Variants in ASPM observed in about 807,000 individuals in gnomAD.
ASPM encodes the protein abnormal spindle-like microcephaly-associated protein.
Under a neutral mutation model 366.4 loss-of-function variants are expected in ASPM, and 256 were observed. The ratio of observed to expected loss-of-function variants is 0.70; its 90% CI spans 0.63 to 0.77. The LOEUF (loss-of-function observed/expected upper bound fraction) is 0.77. ASPM is among the 30% of genes least tolerant of loss of function. The pLI is 0.00. For synonymous variants in ASPM, 1,414 were observed against 1,342.9 expected (o/e 1.05, Z -1.16); for missense variants, 4,146 against 4,090.4 (o/e 1.01, Z -0.37).
Position 197,102,392 on chromosome 1 carries a change from T to A in ASPM, c.6859A>T (p.Lys2287Ter), listed in dbSNP as rs200074982. The A allele has an allele frequency of 6.2e-7, 1 of 1,612,700 alleles. No individual in the cohort carries two copies. The highest frequency in any genetic ancestry group is 1.3e-5 in the African/African-American group (1 of 74,806). Residue 2287 changes from lysine (K) to a stop codon, truncating the protein, a stop_gained, in exon 18 of 28, where the codon AAA (lysine) becomes TAA (stop). Coordinates refer to ENST00000367409, the MANE Select transcript of ASPM (RefSeq NM_018136.5). LOFTEE classifies it high-confidence loss of function. ...MMRRRFLSLKKTAILIQRKYR... is the reference protein window; with the variant it reads ...MMRRRFLSLK ...TTTCTCTGAATCAAAATAGCAGTTT[T>A]CTTGAGAGAGAGGAATCTTCTTCTC...
At chr1:197,133,231 C>G in intron 6 of ASPM, 119 bp downstream of exon 6, 2 of 1,043,940 alleles carry the variant, frequency 1.9e-6, no homozygotes, top group Non-Finnish European at 2.7e-6. Context: ...ATGTTGTATA[C>G]CTTAAATATA....
In ASPM at chr1:197,090,258, G is replaced by A; in HGVS notation, c.9767C>T (p.Ala3256Val). The A allele has an allele frequency of 2.5e-6, 4 of 1,613,458 alleles. No homozygotes were observed. The highest frequency in any genetic ancestry group is 3.4e-6 in the Non-Finnish European group (4 of 1,179,652). Residue 3256 changes from alanine (A) to valine (V), a missense_variant, in exon 24 of 28, where the codon GCA becomes GTA. Coordinates refer to ENST00000367409, the MANE Select transcript of ASPM (RefSeq NM_018136.5). Reference sequence around the variant, plus strand: ...CTTATATGTCAAAAGGTAATGAAGTGCAAGTGCAGTTCTTTTGTAGAGTTT... The same window carrying A: ...CTTATATGTCAAAAGGTAATGAAGTACAAGTGCAGTTCTTTTGTAGAGTTT... ...ENKLYKRTAL[A>V]LHYLLTYKHL...
intron 18 of ASPM, among the ~76,000 whole-genome samples, chr1:197,097,911 T>G (rs1436915913): frequency 1.3e-5 from 2 of 151,290 alleles, no homozygotes; most frequent in Non-Finnish European, 3.0e-5. Context: ...CGAAAATCTG[T>G]CACAGAATTT....
In ASPM at chr1:197,086,878, T is replaced by C. The variant is rs1459036835; in HGVS notation, c.10256A>G (p.Tyr3419Cys). The part of the protein sequence containing the change: ...KHKMNTERIL[Y>C]KQKKNSSISI... ...TATAGAAGAATTCTTCTTTTGCTTG[T>C]AAAGTATTCTTTCAGTATTCATTTT... Residue 3419 changes from tyrosine (Y) to cysteine (C), a missense_variant, in exon 27 of 28, where the codon TAC becomes TGC. By Grantham distance (194) the Tyr-to-Cys change is radical (BLOSUM62 -2). This residue lies in a region of ASPM where 3,624 missense variants were observed against 3,591.7 expected (regional missense o/e 1.01). Coordinates refer to ENST00000367409, the MANE Select transcript of ASPM (RefSeq NM_018136.5). 6.2e-7 allele frequency: 1 copy of C among 1,611,420 alleles called. No individual in the cohort carries two copies. The highest frequency in any genetic ancestry group is 1.3e-5 in the African/African-American group (1 of 74,998).
chr1:197,115,099 A>G (rs1312211825), intron 17 of ASPM, among the ~76,000 whole-genome samples: 1 of 151,964 alleles, frequency 6.6e-6, no homozygotes, highest in African/African-American at 2.4e-5. Flanking sequence ...GCTGATCTCG[A>G]ACTCCTAGCC....
At chr1:197,124,487 G>GAT (rs1380923423) in intron 12 of ASPM, among the ~76,000 whole-genome samples, 156 bp from the exon 13 acceptor site, 1 of 151,876 alleles carries the variant, frequency 6.6e-6, no homozygotes, top group Non-Finnish European at 1.5e-5. Context: ...GCCTGAAATG[G>GAT]ATATTTTAGT....
At chr1:197,131,982 T>C (rs1313471966) in intron 7 of ASPM, among the ~76,000 whole-genome samples, 1 of 152,202 alleles carries the variant, frequency 6.6e-6, no homozygotes, top group East Asian at 1.9e-4. Flanking sequence ...CGTTTTGGCA[T>C]TTGTAAATTT....
At chr1:197,141,912 A>C (rs541318353) in intron 3 of ASPM, among the ~76,000 whole-genome samples, 3 of 152,264 alleles carry the variant, frequency 2.0e-5, no homozygotes, top group African/African-American at 7.2e-5. Flanking sequence ...AGGCTCATAA[A>C]TCAGATACCC....
Position 197,133,588 on chromosome 1 carries a change from A to G in ASPM, c.2181T>C (p.Ala727=). 6.2e-7 allele frequency: 1 copy of G among 1,613,018 alleles called. No individual in the cohort carries two copies. The highest frequency in any genetic ancestry group is 8.5e-7 in the Non-Finnish European group (1 of 1,179,052). Residue 727 remains alanine (A), a synonymous_variant, in exon 6 of 28, where the codon GCT becomes GCC. Transcript: ENST00000367409. The part of the protein sequence containing the change: ...TVKTNISEVN[A]ATLLLGIENQ... Reference sequence around the variant, plus strand: ...TCTCTATTCCCAAAAGAAGAGTAGCAGCATTTACTGGGTAAAAACAAAAGA... The same window carrying G: ...TCTCTATTCCCAAAAGAAGAGTAGCGGCATTTACTGGGTAAAAACAAAAGA...
rs1412640 is a variant in ASPM, at chr1:197,101,685, T to C, written c.7566A>G (p.Leu2522=). Residue 2522 remains leucine (L), a synonymous_variant, in exon 18 of 28, where the codon TTA becomes TTG. Transcript: ENST00000367409. The part of the protein sequence containing the change: ...QHYRTYRAAK[L]QRENYIRQWH... ...ATTGTCTGATATAATTTTCTCTTTG[T>C]AATTTTGCAGCTCTATATGTTCGAT... The C allele has an allele frequency of 0.89, 1,436,725 of 1,612,026 alleles. 645,630 individuals are homozygous for C. Among genetic ancestry groups the C allele is most frequent in the East Asian group, 1 (44,778 of 44,792 alleles).
At position 197,143,103 on chromosome 1, in the gene ASPM, T is replaced by C; in HGVS notation, c.1149A>G (p.Glu383=). Residue 383 remains glutamate (E), a synonymous_variant, in exon 3 of 28, where the codon GAA becomes GAG. Coordinates refer to ENST00000367409, the MANE Select transcript of ASPM (RefSeq NM_018136.5). ...KDNYGLNQDL[E]SESVNPILSP... is the part of the protein sequence containing the mutation. ...ATAAAATAGGATTAACTGACTCTGA[T>C]TCTAGATCCTGATTTAGTCCATAAT... 2 of 1,613,122 alleles carry C rather than the reference T, an allele frequency of 1.2e-6. No homozygotes were observed. The highest frequency in any genetic ancestry group is 1.7e-6 in the Non-Finnish European group (2 of 1,179,212).
chr1:197,100,712 G>A lies in ASPM; in HGVS notation c.8539C>T (p.Leu2847Phe), dbSNP rs199575079. ...KCAALRIQFF[L>F]QMAVYRRRFV... ...CTTCTCCGATACACAGCCATCTGAA[G>A]GAAGAACTGAATCCGTAGGGCAGCA... Residue 2847 changes from leucine (L) to phenylalanine (F), a missense_variant, in exon 18 of 28, where the codon CTT (leucine) becomes TTT (phenylalanine). Leu to Phe is a conservative substitution (Grantham distance 22). Around this residue, in one of 3 missense-constraint regions of ASPM, gnomAD observed 3,624 missense variants for 3,591.7 expected, o/e 1.01. Transcript: ENST00000367409. 2 of 1,612,372 alleles carry A rather than the reference G, an allele frequency of 1.2e-6. No individual in the cohort carries two copies. The highest frequency in any genetic ancestry group is 1.1e-5 in the South Asian group (1 of 91,058).
chr1:197,129,196 G>T lies in ASPM; in HGVS notation c.2751C>A (p.Ala917=). Reference sequence around the variant, plus strand: ...ACAATGAAAAGCATACCTTGAATTCGGCATCTTTACAGAAGAGACAAGGAT... The same window carrying T: ...ACAATGAAAAGCATACCTTGAATTCTGCATCTTTACAGAAGAGACAAGGAT... ...DHDPCLFCKD[A]EFKASKEILL... is the part of the protein sequence containing the mutation. The change falls in exon 9 of 28, where the codon GCC becomes GCA. Residue 917 remains alanine, a synonymous_variant. Coordinates refer to ENST00000367409, the MANE Select transcript of ASPM (RefSeq NM_018136.5). 6.2e-7 allele frequency: 1 copy of T among 1,611,866 alleles called. No individual in the cohort carries two copies. The highest frequency in any genetic ancestry group is 1.1e-5 in the South Asian group (1 of 90,774).
chr1:197,126,377 C>T (rs1571617687), intron 10 of ASPM, among the ~76,000 whole-genome samples: 1 of 140,560 alleles, frequency 7.1e-6, no homozygotes, highest in South Asian at 2.2e-4. Flanking sequence ...GAGGCAGAGG[C>T]TGCAGTGAGC....
rs555982926 is a variant in ASPM at position 197,123,868 on chromosome 1, C to T, written c.3390+242G>A. Among the ~76,000 whole-genome samples, 5 of 152,152 alleles carry T rather than the reference C, an allele frequency of 3.3e-5. No homozygotes were observed. In the South Asian group the frequency reaches 1.0e-3, roughly 32 times the overall value. On this transcript the variant is annotated intron_variant, in intron 13 of 27. Coordinates refer to ENST00000367409, the MANE Select transcript of ASPM (RefSeq NM_018136.5). ...TGTCCCAGTTCTATGCAAGCATCTT[C>T]TACTAAGACTTCCATCTAGGGCATA...
chr1:197,142,839 T>C lies in ASPM; in HGVS notation c.1413A>G (p.Lys471=), dbSNP rs1481611949. ...YYSFIKQNNP[K]FSAVQDISSH... ...TAGAAATATCCTGAACTGCAGAAAA[T>C]TTAGGATTATTTTGTTTTATAAAAC... The change falls in exon 3 of 28, where the codon AAA becomes AAG. Residue 471 remains lysine (K), a synonymous_variant. Transcript: ENST00000367409. The C allele has an allele frequency of 1.2e-6, 2 of 1,613,352 alleles. No homozygotes were observed. The highest frequency in any genetic ancestry group is 1.7e-6 in the Non-Finnish European group (2 of 1,179,400).
chr1:197,122,607 T>G lies in ASPM; in HGVS notation c.3391-12A>C. 7 of 1,587,548 alleles carry G rather than the reference T, an allele frequency of 4.4e-6. No individual in the cohort carries two copies. Among genetic ancestry groups the G allele is most frequent in the Non-Finnish European group, 6.0e-6 (7 of 1,164,210 alleles). The stretch of plus-strand genomic sequence containing the variant: ...GTAAAATTCTCCACCTGATTGAAAA[T>G]GCCAGAAAAACAATTAACCGCATTT... On this transcript the variant is annotated splice_polypyrimidine_tract_variant and intron_variant, in intron 13 of 27. Coordinates refer to ENST00000367409, the MANE Select transcript of ASPM (RefSeq NM_018136.5).
chr1:197,137,834 ATAT>A (rs1319871128), intron 4 of ASPM, among the ~76,000 whole-genome samples: 2 of 152,184 alleles, frequency 1.3e-5, no homozygotes, highest in African/African-American at 2.4e-5. Context: ...GTAAGACATA[ATAT>A]TATCATTCAA....
intron 7 of ASPM, among the ~76,000 whole-genome samples, chr1:197,130,818 T>A (rs1055878958): frequency 2.6e-5 from 4 of 152,170 alleles, no homozygotes; most frequent in African/African-American, 9.7e-5. Context: ...TTGCTGTGAC[T>A]TGTGGGAGGT....
Sources: allele counts gnomAD v4.1 joint callset (sites outside exome capture counted in the v4.1 genomes callset), GRCh38; gene constraint gnomAD v4.1.1; regional missense constraint gnomAD v4.1.1; transcripts MANE v1.5; gene names NCBI Gene and HGNC (gene_info 2026-07-23, HGNC 2026-07-21).